HS3ST4: variants seen among roughly 807,000 people sequenced by gnomAD.
The protein encoded by HS3ST4 is heparan sulfate-glucosamine 3-sulfotransferase 4, also known as heparan sulfate glucosamine 3-O-sulfotransferase 4.
Under a neutral mutation model 29.2 loss-of-function variants are expected in HS3ST4, and 17 were observed. The observed-to-expected ratio is 0.58, with a 90% CI of 0.40 to 0.87. The LOEUF (loss-of-function observed/expected upper bound fraction) is 0.87, where lower values mean the gene tolerates loss of function less well. Among genes scored for constraint, HS3ST4 ranks in the 40% least tolerant of loss-of-function variants. The pLI, the probability that HS3ST4 is intolerant of heterozygous loss-of-function variation, is 0.00. For synonymous variants in HS3ST4, 314 were observed against 285.7 expected, an observed-to-expected ratio of 1.10 and a Z score of -1.00; for missense variants, 627 against 634.5, an observed-to-expected ratio of 0.99 and a Z score of 0.13.
chr16:25,859,012 TG>T (rs1429301518), intron 1 of HS3ST4, among the ~76,000 whole-genome samples: 1 of 152,100 alleles, frequency 6.6e-6, no homozygotes, highest in Non-Finnish European at 1.5e-5. Context: ...TCCTGTAATG[TG>T]GGGGTTACTC....
chr16:25,946,052 T>C (rs1968622155), intron 1 of HS3ST4, among the ~76,000 whole-genome samples: 2 of 152,168 alleles, frequency 1.3e-5, no homozygotes, highest in South Asian at 4.1e-4. Flanking sequence ...CTTAATACTA[T>C]GAAGGGGCTT....
At chr16:25,965,312 A>G (rs945948433) in intron 1 of HS3ST4, among the ~76,000 whole-genome samples, 3 of 151,760 alleles carry the variant, frequency 2.0e-5, no homozygotes, top group African/African-American at 7.3e-5. Context: ...GGGCCAGAAC[A>G]GGACAGGAGA....
chr16:25,992,086 A>G (rs1452366841), intron 1 of HS3ST4, among the ~76,000 whole-genome samples: 1 of 152,188 alleles, frequency 6.6e-6, no homozygotes, highest in Non-Finnish European at 1.5e-5. Flanking sequence ...AGTATCTACC[A>G]AGTGCATGGT....
chr16:26,118,329 C>T (rs532867675), intron 1 of HS3ST4, among the ~76,000 whole-genome samples: 1 of 152,258 alleles, frequency 6.6e-6, no homozygotes, highest in Middle Eastern at 3.4e-3. Flanking sequence ...ATCCTTCTGC[C>T]TTGGACTCCC....
intron 1 of HS3ST4, among the ~76,000 whole-genome samples, chr16:26,035,105 A>T (rs1051988283): frequency 6.6e-6 from 1 of 152,240 alleles, no homozygotes; most frequent in Non-Finnish European, 1.5e-5. Flanking sequence ...CTCAAATCAC[A>T]ATCTCCAGAA....
At chr16:25,844,843 A>G (rs531854684) in intron 1 of HS3ST4, among the ~76,000 whole-genome samples, 4 of 152,342 alleles carry the variant, frequency 2.6e-5, no homozygotes, top group African/African-American at 9.6e-5. Context: ...AAATGTACAT[A>G]TACACCAGGG....
chr16:25,766,432 T>A (rs1355968338), intron 1 of HS3ST4, among the ~76,000 whole-genome samples: 1 of 152,208 alleles, frequency 6.6e-6, no homozygotes, highest in Non-Finnish European at 1.5e-5. Context: ...TGGTAGACTA[T>A]GGCCAAACTT....
intron 1 of HS3ST4, among the ~76,000 whole-genome samples, chr16:25,865,009 CAT>C (rs1333508834): frequency 3.3e-5 from 5 of 151,536 alleles, no homozygotes; most frequent in African/African-American, 7.3e-5. Flanking sequence ...CACAAACACA[CAT>C]ATGTGTATAC....
At position 25,959,406 on chromosome 16, in the gene HS3ST4, C is replaced by T. The variant is rs111229513; in HGVS notation, c.735-176206C>T. Among the ~76,000 whole-genome samples, 927 of 152,292 alleles carry T rather than the reference C, an allele frequency of 6.1e-3. 7 individuals carry two copies. Among genetic ancestry groups the T allele is most frequent in the Middle Eastern group, 0.014 (4 of 294 alleles). ...AACAAGGAAGTGGGGCAGAGTGCAG[C>T]CTGATTAATGTTTAATCATAACTAC... On this transcript the variant is annotated intron_variant, in intron 1 of 1. Coordinates refer to ENST00000331351, the MANE Select transcript of HS3ST4 (RefSeq NM_006040.3).
At chr16:25,920,436 A>G in intron 1 of HS3ST4, among the ~76,000 whole-genome samples, 1 of 151,724 alleles carries the variant, frequency 6.6e-6, no homozygotes, top group East Asian at 1.9e-4. Context: ...CTCCTACCAC[A>G]CTTGCTTCAT....
intron 1 of HS3ST4, among the ~76,000 whole-genome samples, chr16:25,994,152 C>T (rs977925462): frequency 6.6e-6 from 1 of 152,068 alleles, no homozygotes. Flanking sequence ...CATTTGGGGG[C>T]TAGGGCTTCA....
At chr16:25,882,429 A>G (rs530478967) in intron 1 of HS3ST4, among the ~76,000 whole-genome samples, 13 of 152,160 alleles carry the variant, frequency 8.5e-5, no homozygotes, top group Admixed American at 7.9e-4. Context: ...GCAGGGGAGC[A>G]GAGGGCTATG....
intron 1 of HS3ST4, among the ~76,000 whole-genome samples, chr16:25,846,364 T>C (rs1967465870): frequency 1.3e-5 from 2 of 152,134 alleles, no homozygotes; most frequent in Non-Finnish European, 2.9e-5. Context: ...TAAGACCCTG[T>C]CTCTACAAAA....
At chr16:25,735,668 G>C (rs1324077780) in intron 1 of HS3ST4, among the ~76,000 whole-genome samples, 1 of 152,258 alleles carries the variant, frequency 6.6e-6, no homozygotes, top group Admixed American at 6.5e-5. Context: ...TGGGGATTAC[G>C]GGTATGAGCC....
At chr16:26,094,348 T>A (rs1294580509) in intron 1 of HS3ST4, among the ~76,000 whole-genome samples, 1 of 152,154 alleles carries the variant, frequency 6.6e-6, no homozygotes, top group Admixed American at 6.5e-5. Flanking sequence ...GAAAAAATGT[T>A]AAGGGCAGCA....
At chr16:26,005,780 A>T (rs373253308) in intron 1 of HS3ST4, among the ~76,000 whole-genome samples, 2 of 151,652 alleles carry the variant, frequency 1.3e-5, no homozygotes, top group Non-Finnish European at 1.5e-5. Context: ...TTGAGAGACC[A>T]CTAGTTAGAC....
intron 1 of HS3ST4, among the ~76,000 whole-genome samples, chr16:26,076,109 A>G (rs1424712824): frequency 1.3e-5 from 2 of 152,190 alleles, no homozygotes; most frequent in East Asian, 1.9e-4. Context: ...TCTTGGTTTT[A>G]TCGGTGTCTA....
At chr16:25,867,706 A>C (rs1967710693) in intron 1 of HS3ST4, among the ~76,000 whole-genome samples, 1 of 152,190 alleles carries the variant, frequency 6.6e-6, no homozygotes, top group Admixed American at 6.6e-5. Flanking sequence ...GGCTTGGCAC[A>C]TATTGGGTGC....
intron 1 of HS3ST4, among the ~76,000 whole-genome samples, chr16:25,734,541 G>A (rs904966915): frequency 1.3e-5 from 2 of 152,032 alleles, no homozygotes; most frequent in African/African-American, 2.4e-5. Context: ...GTGGATTTCC[G>A]GGCACTCTGT....
Sources: allele counts gnomAD v4.1 joint callset (sites outside exome capture counted in the v4.1 genomes callset), GRCh38; gene constraint gnomAD v4.1.1; transcripts MANE v1.5; gene names NCBI Gene and HGNC (gene_info 2026-07-23, HGNC 2026-07-21).